The following SORCS3 variants were observed in gnomAD, a reference collection of about 807,000 sequenced individuals.
SORCS3 encodes the protein sortilin related VPS10 domain containing receptor 3.
Under a neutral mutation model 146.3 loss-of-function variants are expected in SORCS3, and 57 were observed. The observed-to-expected ratio is 0.39, with a 90% CI of 0.31 to 0.49. The LOEUF is 0.49. Among genes scored for constraint, SORCS3 ranks in the 20% least tolerant of loss-of-function variants. SORCS3 has a pLI of 0.92. For missense variants in SORCS3, 1,341 were observed against 1,575.5 expected, an observed-to-expected ratio of 0.85 and a Z score of 2.52; for synonymous variants, 653 against 618.5, an observed-to-expected ratio of 1.06 and a Z score of -0.83.
At chr10:104,866,373 G>A (rs1231222839) in intron 2 of SORCS3, among the ~76,000 whole-genome samples, 9 of 152,062 alleles carry the variant, frequency 5.9e-5, no homozygotes. Flanking sequence ...TATGGGTCTA[G>A]GAATTTTTTT....
chr10:105,231,500 C>T (rs137938533), intron 20 of SORCS3, among the ~76,000 whole-genome samples: 12 of 152,216 alleles, frequency 7.9e-5, no homozygotes, highest in African/African-American at 2.6e-4. Context: ...CCCAATATAA[C>T]TTTTGTTTAT....
At chr10:105,009,429 G>A (rs1220196189) in intron 4 of SORCS3, among the ~76,000 whole-genome samples, 3 of 149,578 alleles carry the variant, frequency 2.0e-5, no homozygotes, top group Non-Finnish European at 1.5e-5. Context: ...TAGTTGGGGA[G>A]AAAAGGTATT....
chr10:105,118,667 G>C (rs74482364), intron 7 of SORCS3, among the ~76,000 whole-genome samples: 3,722 of 152,232 alleles, frequency 0.024, 153 homozygotes, highest in African/African-American at 0.084. Context: ...GGAAGTCCAG[G>C]CTGAGGTGGT....
intron 14 of SORCS3, among the ~76,000 whole-genome samples, chr10:105,191,661 A>G (rs1014310227): frequency 2.6e-5 from 4 of 152,192 alleles, no homozygotes; most frequent in African/African-American, 9.7e-5. Context: ...GTGAGAGTGC[A>G]GGTGGGGGGT....
intron 8 of SORCS3, among the ~76,000 whole-genome samples, chr10:105,145,092 C>A (rs78046065): frequency 0.025 from 3,781 of 151,788 alleles, 103 homozygotes; most frequent in East Asian, 0.16. Context: ...TAGAGGCAGC[C>A]AGGTTTGCTG....
At position 104,940,235 on chromosome 10, in the gene SORCS3, TA is replaced by T. The variant is rs1455411138; in HGVS notation, c.795+24304del. ...ATATATATATATATATATATATATA[TA>T]TATTTTTTTTTTTTTTTTTATTATA... On this transcript the variant is annotated intron_variant, in intron 3 of 26. Transcript: ENST00000369701. Among the ~76,000 whole-genome samples the T allele has an allele frequency of 3.4e-4, 6 of 17,486 alleles. No homozygotes were observed. In the East Asian group the frequency reaches 4.5e-3, roughly 13 times the overall value. 11.5% of individuals were successfully genotyped at this position (17,486 alleles called of 152,430 possible). A position where few individuals can be genotyped will look rare whatever the true frequency, so the allele number is the denominator to read the frequency against.
chr10:105,070,907 G>C lies in SORCS3; in HGVS notation c.1029-18868G>C, dbSNP rs562744456. On this transcript the variant is annotated intron_variant, in intron 5 of 26. Transcript: ENST00000369701. ...AGAATCCCCCAGAGCCAGTTGTACA[G>C]AAAAAGTTTAGTTTAATTTGCCATC... Among the ~76,000 whole-genome samples the C allele has an allele frequency of 2.0e-5, 3 of 152,266 alleles. No homozygotes were observed. In the East Asian group the frequency reaches 5.8e-4, roughly 29 times the overall value.
intron 2 of SORCS3, among the ~76,000 whole-genome samples, chr10:104,880,522 T>G (rs2018619997): frequency 6.6e-6 from 1 of 152,184 alleles, no homozygotes; most frequent in South Asian, 2.1e-4. Flanking sequence ...ATTATAGGAT[T>G]AAAAGTCTGC....
intron 1 of SORCS3, among the ~76,000 whole-genome samples, chr10:104,804,387 T>A (rs2017658885): frequency 6.6e-6 from 1 of 152,242 alleles, no homozygotes; most frequent in Non-Finnish European, 1.5e-5. Context: ...AGTTTCATGA[T>A]TTTTGCTTCA....
Position 105,157,270 on chromosome 10 carries a change from G to T in SORCS3, c.1615G>T (p.Val539Leu). 1 of 1,614,028 alleles carries T rather than the reference G, an allele frequency of 6.2e-7. No homozygotes were observed. Among genetic ancestry groups the T allele is most frequent in the Non-Finnish European group, 8.5e-7 (1 of 1,179,912 alleles). ...GGATGTGGACCTGAGAGGAAGCCCAGTGCACTGCCTGCTGGTCAGTCACTC... is the reference window on the plus strand; with the variant it reads ...GGATGTGGACCTGAGAGGAAGCCCATTGCACTGCCTGCTGGTCAGTCACTC... ...APDVDLRGSPVHCLLPFCSLH... is the reference protein window; with the variant it reads ...APDVDLRGSPLHCLLPFCSLH... Residue 539 changes from valine to leucine, a missense_variant, in exon 10 of 27, where the codon GTG (valine) becomes TTG (leucine). Physicochemically the swap from Val to Leu is conservative, Grantham distance 32. Transcript: ENST00000369701.
In SORCS3 at chr10:105,211,025, T is replaced by G. The variant is rs115723053; in HGVS notation, c.2262-112T>G. The stretch of plus-strand genomic sequence containing the variant: ...CCCTCACTGGGGATATTTAAAACAA[T>G]GTGTTATGACTTTCTGGATGGCAAT... On this transcript the variant is annotated intron_variant, in intron 16 of 26. Coordinates refer to ENST00000369701, the MANE Select transcript of SORCS3 (RefSeq NM_014978.3). The G allele has an allele frequency of 1.4e-5, 9 of 647,018 alleles. No homozygotes were observed. In the South Asian group the frequency reaches 1.7e-4, roughly 12 times the overall value. 40.1% of individuals were successfully genotyped at this position (647,018 alleles called of 1,614,324 possible).
chr10:104,827,633 T>C (rs2017952865), intron 1 of SORCS3, among the ~76,000 whole-genome samples: 1 of 152,154 alleles, frequency 6.6e-6, no homozygotes, highest in Non-Finnish European at 1.5e-5. Context: ...GAATGGTAAG[T>C]GAGCACTGGC....
intron 1 of SORCS3, among the ~76,000 whole-genome samples, chr10:104,653,836 A>C (rs2015592443): frequency 6.6e-6 from 1 of 152,192 alleles, no homozygotes; most frequent in Admixed American, 6.5e-5. Context: ...AGTTATTTTA[A>C]AATGTACAAT....
intron 1 of SORCS3, among the ~76,000 whole-genome samples, chr10:104,820,122 C>T (rs1347656033): frequency 1.3e-5 from 2 of 152,122 alleles, no homozygotes; most frequent in Admixed American, 1.3e-4. Flanking sequence ...TTAATTGACA[C>T]CCTCTAATCA....
chr10:104,778,930 C>A (rs916263151), intron 1 of SORCS3, among the ~76,000 whole-genome samples: 2 of 151,896 alleles, frequency 1.3e-5, no homozygotes, highest in African/African-American at 4.8e-5. Flanking sequence ...GCAAAAGGGA[C>A]TTTGCATACA....
intron 4 of SORCS3, among the ~76,000 whole-genome samples, chr10:105,009,065 G>C (rs1246617579): frequency 2.6e-5 from 4 of 152,172 alleles, no homozygotes; most frequent in Non-Finnish European, 5.9e-5. Flanking sequence ...TTATTGAGCA[G>C]TTACTATATG....
chr10:104,820,209 G>A (rs968355108), intron 1 of SORCS3, among the ~76,000 whole-genome samples: 5 of 152,128 alleles, frequency 3.3e-5, no homozygotes, highest in Non-Finnish European at 7.3e-5. Flanking sequence ...TGCCATTTAC[G>A]TGTCGTGGGA....
chr10:105,085,858 C>A (rs990913970), intron 5 of SORCS3, among the ~76,000 whole-genome samples: 5 of 152,110 alleles, frequency 3.3e-5, no homozygotes, highest in African/African-American at 1.2e-4. Context: ...GTGTGTGAAG[C>A]TGCACACATG....
At chr10:105,106,783 G>T (rs2055824907) in intron 7 of SORCS3, among the ~76,000 whole-genome samples, 1 of 152,118 alleles carries the variant, frequency 6.6e-6, no homozygotes, top group Non-Finnish European at 1.5e-5. Context: ...TTTTTAGCTT[G>T]ACTGAAATGC....
Sources: allele counts gnomAD v4.1 joint callset (sites outside exome capture counted in the v4.1 genomes callset), GRCh38; gene constraint gnomAD v4.1.1; transcripts MANE v1.5; gene names NCBI Gene and HGNC (gene_info 2026-07-23, HGNC 2026-07-21).